Variants in RPL18 observed in about 807,000 individuals in gnomAD.
RPL18 encodes the protein large ribosomal subunit protein eL18.
In RPL18, 4 loss-of-function variants were observed where a neutral mutation model predicts 25.0. That is an observed-to-expected ratio of 0.16 (90% CI 0.08 to 0.37). The LOEUF is 0.37. RPL18 is among the 10% of genes least tolerant of loss of function. The pLI, the probability that RPL18 is intolerant of heterozygous loss-of-function variation, is 1.00. For synonymous variants in RPL18, 129 were observed against 101.6 expected (o/e 1.27, Z -1.62); for missense variants, 179 against 267.9 (o/e 0.67, Z 2.32).
At chr19:48,615,471 AG>A (rs751705474) in intron 6 of RPL18, 24 bp from the exon 7 acceptor site, 10 of 1,589,390 alleles carry the variant, frequency 6.3e-6, no homozygotes, top group Non-Finnish European at 8.6e-6. Context: ...AGGGAGTGAG[AG>A]GGGGGCCCTC....
At position 48,616,333 on chromosome 19, in the gene RPL18, C is replaced by T. The variant is rs970077822; in HGVS notation, c.298-131G>A. Reference sequence around the variant, plus strand: ...CACTATCGTTTACTACCCGGAGCACCCTGGGCTGACAGCAGCAGTTCTCAA... The same window carrying T: ...CACTATCGTTTACTACCCGGAGCACTCTGGGCTGACAGCAGCAGTTCTCAA... On this transcript the variant is annotated intron_variant, in intron 4 of 6. Coordinates refer to ENST00000549920, the MANE Select transcript of RPL18 (RefSeq NM_000979.4). 7.1e-6 allele frequency: 8 copies of T among 1,121,478 alleles called. No homozygotes were observed. The African/African-American group carries it at 9.3e-5, about 13-fold the overall frequency. 69.5% of individuals were successfully genotyped at this position (1,121,478 alleles called of 1,614,324 possible). A position where few individuals can be genotyped will look rare whatever the true frequency, so the allele number is the denominator to read the frequency against.
chr19:48,616,661 G>A (rs1601139102), intron 4 of RPL18, 65 bp downstream of exon 4: 1 of 1,123,332 alleles, frequency 8.9e-7, no homozygotes, highest in Non-Finnish European at 1.4e-6. Context: ...GCACAGCACA[G>A]CACAGCACAG....
chr19:48,615,850 G>A lies in RPL18; in HGVS notation c.491+27C>T, dbSNP rs771837915. On this transcript the variant is annotated intron_variant, in intron 6 of 6. Transcript: ENST00000549920. ...GCCCTGCAGGCTGAGTCTGGGGAGA[G>A]GGCAGGGCTGGGGGCCTGATACTCA... 7 of 1,586,020 alleles carry A rather than the reference G, an allele frequency of 4.4e-6. No individual in the cohort carries two copies. In the Admixed American group the frequency reaches 9.0e-5, roughly 20 times the overall value.
intron 1 of RPL18, 141 bp downstream of exon 1, chr19:48,619,000 C>A: frequency 1.1e-6 from 1 of 871,194 alleles, no homozygotes; most frequent in South Asian, 1.5e-5. Context: ...TTTCCTGGCC[C>A]CCAGAGTAGG....
At chr19:48,618,911 C>T (rs1974279552) in intron 1 of RPL18, 1 of 566,250 alleles carries the variant, frequency 1.8e-6, no homozygotes, top group South Asian at 2.2e-5. Flanking sequence ...TTTGTAAACC[C>T]AGTCATATCA....
Position 48,617,441 on chromosome 19 carries a change from C to T in RPL18, c.91-18G>A, listed in dbSNP as rs182024582. The T allele has an allele frequency of 1.1e-4, 170 of 1,583,274 alleles. No homozygotes were observed. In the East Asian group the frequency reaches 3.6e-3, roughly 34 times the overall value. On this transcript the variant is annotated intron_variant, in intron 2 of 6. Transcript: ENST00000549920. ...CTGTATAACTGGAGGGACGGGAAGA[C>T]AGTGAGAAGCTGGGACAGCCTGCTC...
chr19:48,616,794 T>C lies in RPL18; in HGVS notation c.229A>G (p.Asn77Asp), dbSNP rs1175926638. ...GTCCCCACAACCACGGCCGTCTTGT[T>C]TTCCCGGCCAGGAAGCTTCATCTTC... ...IRKMKLPGRE[N>D]KTAVVVGTIT... Residue 77 changes from asparagine to aspartate, a missense_variant, in exon 4 of 7, where the codon AAC becomes GAC. Physicochemically the swap from Asn to Asp is conservative, Grantham distance 23. Transcript: ENST00000549920. 1.9e-6 allele frequency: 3 copies of C among 1,613,778 alleles called. No individual in the cohort carries two copies. Among genetic ancestry groups the C allele is most frequent in the East Asian group, 2.2e-5 (1 of 44,886 alleles).
At position 48,617,896 on chromosome 19, in the gene RPL18, A is replaced by T; in HGVS notation, c.4-19T>A. 6.3e-7 allele frequency: 1 copy of T among 1,587,480 alleles called. No individual in the cohort carries two copies. The highest frequency in any genetic ancestry group is 8.7e-7 in the Non-Finnish European group (1 of 1,155,812). ...CCACTCCCTGTGGGGGTGAAGAGGCAACCATGGACCCAATTACCCCCAACC... is the reference window on the plus strand; with the variant it reads ...CCACTCCCTGTGGGGGTGAAGAGGCTACCATGGACCCAATTACCCCCAACC... On this transcript the variant is annotated intron_variant, in intron 1 of 6. Transcript: ENST00000549920.
chr19:48,616,920 C>T (rs763308868), intron 3 of RPL18, 96 bp from the exon 4 acceptor site: 14 of 881,232 alleles, frequency 1.6e-5, no homozygotes, highest in East Asian at 4.9e-5. Flanking sequence ...TGCCCTCTAA[C>T]GGGACCCCCC....
At chr19:48,617,261 C>T (rs758352812) in intron 3 of RPL18, 55 bp downstream of exon 3, 1 of 1,378,766 alleles carries the variant, frequency 7.3e-7, no homozygotes, top group Admixed American at 1.7e-5. Context: ...CCCTTCCAGA[C>T]AGACAAGACC....
intron 2 of RPL18, 95 bp from the exon 3 acceptor site, chr19:48,617,518 A>G: frequency 2.1e-6 from 2 of 953,388 alleles, no homozygotes; most frequent in Non-Finnish European, 3.3e-6. Context: ...GGACTAAAAT[A>G]ATCTTTATCC....
At chr19:48,616,613 C>T in intron 4 of RPL18, 113 bp downstream of exon 4, 1 of 828,630 alleles carries the variant, frequency 1.2e-6, no homozygotes, top group South Asian at 1.3e-5. Flanking sequence ...GGATGCTTGC[C>T]TCACCAGCGG....
rs751909110 is a variant in RPL18, at chr19:48,617,802, G to A, written c.79C>T (p.Leu27=). 6.2e-7 allele frequency: 1 copy of A among 1,613,958 alleles called. No homozygotes were observed. The highest frequency in any genetic ancestry group is 8.5e-7 in the Non-Finnish European group (1 of 1,179,788). ...EPKSQDIYLR[L]LVKLYRFLAR... ...GGGCCCAGCCTCACCTTGACCAACA[G>A]CCTCAGGTAGATATCCTGGCTCTTG... The change falls in exon 2 of 7, where the codon CTG becomes TTG. Residue 27 remains leucine (L), a synonymous_variant. Coordinates refer to ENST00000549920, the MANE Select transcript of RPL18 (RefSeq NM_000979.4).
rs756802709 is a variant in RPL18 at position 48,615,912 on chromosome 19, G to A, written c.456C>T (p.Phe152=). 68 of 1,613,382 alleles carry A rather than the reference G, an allele frequency of 4.2e-5. No individual in the cohort carries two copies. In the East Asian group the frequency reaches 5.3e-4, roughly 13 times the overall value. ...TGTGCGGGGTTCCTGGGGCCTTGCC[G>A]AAATGCCGGTACACCTCTCGGCCCT... ...PRKGREVYRH[F]GKAPGTPHSH... is the part of the protein sequence containing the mutation. The change falls in exon 6 of 7, where the codon TTC becomes TTT. Residue 152 remains phenylalanine (F), a synonymous_variant. Coordinates refer to ENST00000549920, the MANE Select transcript of RPL18 (RefSeq NM_000979.4).
rs911666294 is a variant in RPL18, at chr19:48,615,754, G to C, written c.491+123C>G. The C allele has an allele frequency of 4.7e-6, 4 of 858,544 alleles. No individual in the cohort carries two copies. In the African/African-American group the frequency reaches 6.7e-5, roughly 14 times the overall value. The allele number at this position is 858,544 out of a possible 1,614,324, so 53.2% of individuals were successfully genotyped here. A position where few individuals can be genotyped will look rare whatever the true frequency, so the allele number is the denominator to read the frequency against. ...GAAAAGCAGGCAGGATGAGGCAGCT[G>C]AGAGTTCCAGAAGGCCTGGGGCTGG... is the stretch of plus-strand genomic sequence containing the variant. On this transcript the variant is annotated intron_variant, in intron 6 of 6. Transcript: ENST00000549920.
chr19:48,618,034 TC>T, intron 1 of RPL18, 157 bp from the exon 2 acceptor site: 8 of 593,256 alleles, frequency 1.3e-5, no homozygotes, highest in Non-Finnish European at 2.1e-5. Context: ...CTGCCACTGA[TC>T]CCTCTGTAAA....
chr19:48,616,007 C>T, intron 5 of RPL18, 61 bp from the exon 6 acceptor site: 2 of 1,613,390 alleles, frequency 1.2e-6, no homozygotes. Flanking sequence ...TCTGGCCTCC[C>T]AGATCCAGGA....
chr19:48,617,235 G>A (rs1217439087), intron 3 of RPL18, 81 bp downstream of exon 3: 2 of 1,087,334 alleles, frequency 1.8e-6, no homozygotes, highest in Non-Finnish European at 2.9e-6. Flanking sequence ...TGCTCCCAGA[G>A]CTCCAAGTCC....
chr19:48,616,283 G>T, intron 4 of RPL18, 81 bp from the exon 5 acceptor site: 1 of 1,562,938 alleles, frequency 6.4e-7, no homozygotes. Context: ...CCACTGCCTT[G>T]GCGCAGCAGA....
Sources: allele counts gnomAD v4.1 joint callset, GRCh38; gene constraint gnomAD v4.1.1; transcripts MANE v1.5; gene names NCBI Gene and HGNC (gene_info 2026-07-23, HGNC 2026-07-21).